LTBP1: variants seen among roughly 807,000 people sequenced by gnomAD.
LTBP1 encodes latent transforming growth factor beta binding protein 1, also known as latent-transforming growth factor beta-binding protein 1.
In LTBP1, 129 loss-of-function variants were observed where a neutral mutation model predicts 207.6. The ratio of observed to expected loss-of-function variants is 0.62; its 90% CI spans 0.54 to 0.72. The LOEUF (loss-of-function observed/expected upper bound fraction) is 0.72, where lower values mean the gene tolerates loss of function less well. Among genes scored for constraint, LTBP1 ranks in the 30% least tolerant of loss-of-function variants. The pLI, the probability that LTBP1 is intolerant of heterozygous loss-of-function variation, is 0.00. For synonymous variants in LTBP1, 963 were observed against 833.7 expected (o/e 1.16, Z -2.67); for missense variants, 2,281 against 2,217.2 (o/e 1.03, Z -0.58).
chr2:33,142,455 G>A (rs928964227), intron 5 of LTBP1, among the ~76,000 whole-genome samples: 3 of 152,098 alleles, frequency 2.0e-5, no homozygotes, highest in Non-Finnish European at 1.5e-5. Flanking sequence ...GCTTGTGAGT[G>A]GTGTAGAGGG....
chr2:33,346,956 A>G (rs748382502), intron 25 of LTBP1, among the ~76,000 whole-genome samples: 15 of 151,912 alleles, frequency 9.9e-5, no homozygotes, highest in Non-Finnish European at 1.9e-4. Context: ...TGCTACTTAA[A>G]ATACAAAACA....
At chr2:33,123,195 C>T (rs983390243) in intron 4 of LTBP1, among the ~76,000 whole-genome samples, 7 of 152,168 alleles carry the variant, frequency 4.6e-5, no homozygotes, top group African/African-American at 7.2e-5. Context: ...GCCTGGCCTG[C>T]GGGTTACTAG....
At position 33,006,717 on chromosome 2, in the gene LTBP1, T is replaced by C. The variant is rs1431337521; in HGVS notation, c.566-14192T>C. Among the ~76,000 whole-genome samples the C allele has an allele frequency of 2.6e-5, 4 of 151,934 alleles. No homozygotes were observed. In the East Asian group the frequency reaches 5.8e-4, roughly 22 times the overall value. ...CTACTGAACATTTTTAAATTTTATA[T>C]GTTACTGCTTGGAAAACAGAGCTTT... is the stretch of plus-strand genomic sequence containing the variant. On this transcript the variant is annotated intron_variant, in intron 2 of 33. Coordinates refer to ENST00000404816, the MANE Select transcript of LTBP1 (RefSeq NM_206943.4).
At chr2:33,032,505 G>A (rs895298739) in intron 3 of LTBP1, among the ~76,000 whole-genome samples, 6 of 151,970 alleles carry the variant, frequency 3.9e-5, no homozygotes, top group African/African-American at 1.5e-4. Context: ...CCTCCTTTAG[G>A]TGACAGAAGT....
intron 2 of LTBP1, among the ~76,000 whole-genome samples, chr2:33,019,023 T>C (rs980607362): frequency 2.0e-5 from 3 of 152,248 alleles, no homozygotes; most frequent in South Asian, 2.1e-4. Context: ...GTCTCTTTTA[T>C]AGAAAATCAA....
intron 2 of LTBP1, among the ~76,000 whole-genome samples, chr2:33,008,853 G>T (rs1438686738): frequency 6.6e-6 from 1 of 152,228 alleles, no homozygotes; most frequent in Non-Finnish European, 1.5e-5. Flanking sequence ...AAGGGAGCCT[G>T]TGACTGTCTG....
At chr2:33,058,619 C>G (rs149582290) in intron 3 of LTBP1, among the ~76,000 whole-genome samples, 201 of 152,206 alleles carry the variant, frequency 1.3e-3, no homozygotes, top group African/African-American at 4.6e-3. Context: ...TGTGTATTAT[C>G]TTACATTTGT....
chr2:33,088,926 C>T (rs1028266065), intron 3 of LTBP1, among the ~76,000 whole-genome samples: 4 of 151,948 alleles, frequency 2.6e-5, no homozygotes, highest in Admixed American at 2.6e-4. Context: ...GAGGCCGAGG[C>T]GGGCAGATCA....
intron 5 of LTBP1, among the ~76,000 whole-genome samples, chr2:33,135,575 G>A (rs1040467876): frequency 1.3e-5 from 2 of 148,878 alleles, no homozygotes; most frequent in Non-Finnish European, 1.5e-5. Flanking sequence ...CCTTTTTTAC[G>A]TGGATTTGGG....
intron 5 of LTBP1, among the ~76,000 whole-genome samples, chr2:33,162,036 A>G (rs923248693): frequency 6.6e-6 from 1 of 152,194 alleles, no homozygotes; most frequent in African/African-American, 2.4e-5. Flanking sequence ...CTTACTTGAC[A>G]CTCATCAATT....
chr2:33,160,693 G>A (rs904225075), intron 5 of LTBP1, among the ~76,000 whole-genome samples: 29 of 152,118 alleles, frequency 1.9e-4, no homozygotes, highest in African/African-American at 5.3e-4. Context: ...TTTGGGCCTC[G>A]TGATTAGTTG....
chr2:33,330,581 A>C (rs2094481566), intron 24 of LTBP1, among the ~76,000 whole-genome samples: 1 of 151,632 alleles, frequency 6.6e-6, no homozygotes, highest in African/African-American at 2.4e-5. Context: ...GAATTTTAAC[A>C]GATGGTTTTT....
intron 5 of LTBP1, among the ~76,000 whole-genome samples, chr2:33,136,850 A>G (rs565172115): frequency 5.9e-5 from 9 of 152,362 alleles, no homozygotes; most frequent in African/African-American, 1.9e-4. Flanking sequence ...TGCAAAATGA[A>G]GCAAAATTAT....
intron 3 of LTBP1, among the ~76,000 whole-genome samples, chr2:33,109,598 G>A (rs1412566570): frequency 1.3e-5 from 2 of 152,186 alleles, no homozygotes; most frequent in African/African-American, 4.8e-5. Context: ...TTAGCACATA[G>A]TAATCATGTT....
At chr2:33,268,198 C>A (rs971793) in intron 15 of LTBP1, among the ~76,000 whole-genome samples, 95,686 of 152,088 alleles carry the variant, frequency 0.63, 30,991 homozygotes, top group East Asian at 0.91. Flanking sequence ...TATAATTTAA[C>A]TCAAAATGTG....
chr2:33,001,389 G>A (rs1434467244), intron 2 of LTBP1, among the ~76,000 whole-genome samples: 3 of 134,958 alleles, frequency 2.2e-5, no homozygotes, highest in Non-Finnish European at 3.3e-5. Context: ...GAGGTGGGAC[G>A]TGAGAACTTG....
chr2:33,096,926 G>T (rs907225706), intron 3 of LTBP1, among the ~76,000 whole-genome samples: 4 of 152,198 alleles, frequency 2.6e-5, no homozygotes, highest in Admixed American at 6.5e-5. Context: ...ATAGCAGGTG[G>T]TGGTGGTGGT....
chr2:33,343,010 A>C (rs1181833215), intron 25 of LTBP1, 47 bp downstream of exon 25: 1 of 1,576,942 alleles, frequency 6.3e-7, no homozygotes, highest in African/African-American at 1.4e-5. Flanking sequence ...GTCCCTAGGG[A>C]AAAGAAATCA....
Position 33,072,302 on chromosome 2 carries a change from A to C in LTBP1, c.864-38280A>C, listed in dbSNP as rs1316017480. Among the ~76,000 whole-genome samples the C allele has an allele frequency of 3.3e-5, 5 of 152,286 alleles. No individual in the cohort carries two copies. In the East Asian group the frequency reaches 9.6e-4, roughly 29 times the overall value. On this transcript the variant is annotated intron_variant, in intron 3 of 33. Transcript: ENST00000404816. Reference sequence around the variant, plus strand: ...TGCACCACCCTCCAGGCACCTCCACATGTTCAGCTATCTGAAGCTCTCTGA... The same window carrying C: ...TGCACCACCCTCCAGGCACCTCCACCTGTTCAGCTATCTGAAGCTCTCTGA...
Sources: allele counts gnomAD v4.1 joint callset (sites outside exome capture counted in the v4.1 genomes callset), GRCh38; gene constraint gnomAD v4.1.1; transcripts MANE v1.5; gene names NCBI Gene and HGNC (gene_info 2026-07-23, HGNC 2026-07-21).